Variants in POP4 observed in about 807,000 individuals in gnomAD.
POP4 encodes the protein POP4 ribonuclease P/MRP subunit.
A neutral mutation model predicts 29.9 loss-of-function variants in POP4; 31 were observed. That is an observed-to-expected ratio of 1.04 (90% CI 0.78 to 1.40). The LOEUF (loss-of-function observed/expected upper bound fraction) is 1.40. POP4 is among the 40% of genes most tolerant of loss of function. POP4 has a pLI of 0.00. For missense variants in POP4, 286 were observed against 282.7 expected (o/e 1.01, Z -0.08); for synonymous variants, 110 against 108.2 (o/e 1.02, Z -0.10).
chr19:29,611,869 C>T lies in POP4; in HGVS notation c.292C>T (p.Leu98Phe). ...DIKPEQQRYS[L>F]FLPLHELWKQ... ...TTTCTGACTTTGCTGCAGATACAGC[C>T]TTTTCCTCCCTCTCCATGAACTCTG... The change falls in exon 4 of 7, where the codon CTT (leucine) becomes TTT (phenylalanine). Residue 98 changes from leucine to phenylalanine, a missense_variant. Transcript: ENST00000585603. 1 of 1,614,150 alleles carries T rather than the reference C, an allele frequency of 6.2e-7. No individual in the cohort carries two copies.
intron 1 of POP4, 30 bp downstream of exon 1, chr19:29,606,355 T>G (rs764659418): frequency 4.4e-6 from 7 of 1,602,656 alleles, no homozygotes; most frequent in East Asian, 2.3e-5. Context: ...TGGAGAGGGT[T>G]GGGGACGTTA....
rs1186022854 is a variant in POP4 at position 29,615,703 on chromosome 19, A to G, written c.*323A>G. 7 of 219,898 alleles carry G rather than the reference A, an allele frequency of 3.2e-5. No individual in the cohort carries two copies. Among genetic ancestry groups the G allele is most frequent in the Non-Finnish European group, 4.5e-5 (5 of 109,962 alleles). 13.6% of individuals were successfully genotyped at this position (219,898 alleles called of 1,614,324 possible). ...ATTCGATTTTTAAAAATACTTTTCC[A>G]TGTTTTCTGAGTGCTCTATGATAAA... On this transcript the variant is annotated 3_prime_UTR_variant, in exon 7 of 7. Coordinates refer to ENST00000585603, the MANE Select transcript of POP4 (RefSeq NM_006627.3).
intron 2 of POP4, chr19:29,609,265 C>T (rs765650508): frequency 6.6e-5 from 10 of 152,318 alleles, no homozygotes; most frequent in Admixed American, 2.0e-4. Context: ...GTCACAATGA[C>T]GAGAGTGAAT....
intron 2 of POP4, chr19:29,608,957 C>T: frequency 2.2e-6 from 1 of 462,322 alleles, no homozygotes. Context: ...TATCATTTCC[C>T]ACTGTGTTGG....
chr19:29,614,420 T>C (rs193259140), intron 6 of POP4, among the ~76,000 whole-genome samples: 2 of 152,322 alleles, frequency 1.3e-5, no homozygotes, highest in Admixed American at 1.3e-4. Flanking sequence ...AGCAGATACT[T>C]TGGGTCAGCC....
At chr19:29,606,477 G>A in intron 1 of POP4, 152 bp downstream of exon 1, 2 of 893,668 alleles carry the variant, frequency 2.2e-6, no homozygotes, top group Non-Finnish European at 3.2e-6. Context: ...AAAAACTGAG[G>A]GCTGGAGCAC....
chr19:29,614,503 ATTTTTCTTTTT>A (rs1045784582), intron 6 of POP4, among the ~76,000 whole-genome samples: 5 of 83,616 alleles, frequency 6.0e-5, no homozygotes, highest in Non-Finnish European at 1.1e-4. Flanking sequence ...TGTTCCTTTA[ATTTTTCTTTTT>A]TTTTTTTTTG....
intron 3 of POP4, 32 bp downstream of exon 3, chr19:29,610,664 CGGTGCTTACCCTTCTT>C: frequency 6.3e-7 from 1 of 1,599,186 alleles, no homozygotes; most frequent in South Asian, 1.1e-5. Context: ...TTTCTGCCCG[CGGTGCTTACCCTTCTT>C]GGTGTGTGAA....
rs149646408 is a variant in POP4, at chr19:29,615,344, G to A, written c.627G>A (p.Ala209=). 110 of 1,613,468 alleles carry A rather than the reference G, an allele frequency of 6.8e-5. No homozygotes were observed. The African/African-American group carries it at 1.1e-3, about 16-fold the overall frequency. ...AGCTTCGGTCAAGTGAACGGTCTGCGAAGAAGTTCAAAGCGAAGGGAACGA... is the reference window on the plus strand; with the variant it reads ...AGCTTCGGTCAAGTGAACGGTCTGCAAAGAAGTTCAAAGCGAAGGGAACGA... ...KFQLRSSERS[A]KKFKAKGTID... is the part of the protein sequence containing the mutation. Residue 209 remains alanine, a synonymous_variant, in exon 7 of 7, where the codon GCG becomes GCA. Coordinates refer to ENST00000585603, the MANE Select transcript of POP4 (RefSeq NM_006627.3).
intron 6 of POP4, among the ~76,000 whole-genome samples, 179 bp downstream of exon 6, chr19:29,614,151 A>G (rs957134762): frequency 2.6e-5 from 4 of 152,202 alleles, no homozygotes; most frequent in Admixed American, 6.5e-5. Context: ...GGCTCCCCCA[A>G]GAGGTGTGTG....
In POP4 at chr19:29,606,353, G is replaced by A. The variant is rs1048765700; in HGVS notation, c.7+28G>A. On this transcript the variant is annotated intron_variant, in intron 1 of 6. Coordinates refer to ENST00000585603, the MANE Select transcript of POP4 (RefSeq NM_006627.3). Reference sequence around the variant, plus strand: ...AAGCGGGGCCGCGAAGTTGGAGAGGGTTGGGGACGTTAAGGGTCGGGGTCT... The same window carrying A: ...AAGCGGGGCCGCGAAGTTGGAGAGGATTGGGGACGTTAAGGGTCGGGGTCT... The A allele has an allele frequency of 2.5e-6, 4 of 1,603,228 alleles. No homozygotes were observed. The African/African-American group carries it at 5.4e-5, about 22-fold the overall frequency.
chr19:29,609,625 C>CTTTGTTTG (rs113199520), intron 2 of POP4, among the ~76,000 whole-genome samples: 86 of 143,612 alleles, frequency 6.0e-4, no homozygotes, highest in South Asian at 1.5e-3. Context: ...TGGAGGGTTT[C>CTTTGTTTG]TTTGTTTGTT....
intron 4 of POP4, 57 bp from the exon 5 acceptor site, chr19:29,612,060 G>C: frequency 1.3e-6 from 2 of 1,588,778 alleles, no homozygotes; most frequent in Non-Finnish European, 1.7e-6. Flanking sequence ...AGACCTAGTT[G>C]CTTCTTTTGG....
In POP4 at chr19:29,615,483, G is replaced by A. The variant is rs1971119839; in HGVS notation, c.*103G>A. On this transcript the variant is annotated 3_prime_UTR_variant, in exon 7 of 7. Transcript: ENST00000585603. Reference sequence around the variant, plus strand: ...GATAGTTAAGCCAATTCCATTTATAGACCACCTCCAGCCAGTGACGCTCCG... The same window carrying A: ...GATAGTTAAGCCAATTCCATTTATAAACCACCTCCAGCCAGTGACGCTCCG... 5.3e-6 allele frequency: 7 copies of A among 1,316,766 alleles called. No individual in the cohort carries two copies. The highest frequency in any genetic ancestry group is 6.3e-6 in the Non-Finnish European group (6 of 955,852). 81.6% of individuals were successfully genotyped at this position (1,316,766 alleles called of 1,614,324 possible). A position where few individuals can be genotyped will look rare whatever the true frequency, so the allele number is the denominator to read the frequency against.
chr19:29,613,732 C>T, intron 5 of POP4, 139 bp from the exon 6 acceptor site: 1 of 1,349,068 alleles, frequency 7.4e-7, no homozygotes, highest in East Asian at 2.5e-5. Context: ...CTGTTGAGCC[C>T]CCACCCCCTG....
intron 2 of POP4, among the ~76,000 whole-genome samples, chr19:29,609,748 G>A (rs1391300468): frequency 6.6e-6 from 1 of 152,208 alleles, no homozygotes; most frequent in East Asian, 1.9e-4. Context: ...CCTGCTCTCA[G>A]TGACACCCTT....
In POP4 at chr19:29,610,591, G is replaced by T. The variant is rs1413982558; in HGVS notation, c.243G>T (p.Arg81Ser). Residue 81 changes from arginine to serine, a missense_variant, in exon 3 of 7, where the codon AGG (arginine) becomes AGT (serine). Arg to Ser is a moderately radical substitution (Grantham distance 110). Transcript: ENST00000585603. ...CCAAAGGCCTCTCTGCCAGGCAAAG[G>T]AGGGAGCTGCGGCTCTTTGACATTA... The part of the protein sequence containing the change: ...KKAKGLSARQ[R>S]RELRLFDIKP... 1 of 1,614,174 alleles carries T rather than the reference G, an allele frequency of 6.2e-7. No individual in the cohort carries two copies. Among genetic ancestry groups the T allele is most frequent in the Non-Finnish European group, 8.5e-7 (1 of 1,180,050 alleles).
In POP4 at chr19:29,615,355, A is replaced by C. The variant is rs1160921456; in HGVS notation, c.638A>C (p.Lys213Thr). 2.5e-6 allele frequency: 4 copies of C among 1,613,646 alleles called. No individual in the cohort carries two copies. The highest frequency in any genetic ancestry group is 1.3e-5 in the African/African-American group (1 of 74,880). The change falls in exon 7 of 7, where the codon AAA (lysine) becomes ACA (threonine). Residue 213 changes from lysine (K) to threonine (T), a missense_variant. Transcript: ENST00000585603. Reference sequence around the variant, plus strand: ...AGTGAACGGTCTGCGAAGAAGTTCAAAGCGAAGGGAACGATTGACCTGTGA... The same window carrying C: ...AGTGAACGGTCTGCGAAGAAGTTCACAGCGAAGGGAACGATTGACCTGTGA... ...RSSERSAKKFKAKGTIDL is the reference protein window; with the variant it reads ...RSSERSAKKFTAKGTIDL
intron 4 of POP4, 50 bp from the exon 5 acceptor site, chr19:29,612,067 T>G (rs1316503863): frequency 3.8e-6 from 6 of 1,591,280 alleles, no homozygotes; most frequent in Non-Finnish European, 5.1e-6. Flanking sequence ...GTTGCTTCTT[T>G]TGGAACTTTT....
Sources: gnomAD v4.1 joint callset for allele counts (sites outside exome capture counted in the v4.1 genomes callset) on GRCh38, gnomAD v4.1.1 for gene constraint, MANE v1.5 for transcripts, NCBI Gene and HGNC (gene_info 2026-07-23, HGNC 2026-07-21) for gene names.